Variants in DYNC2H1 observed in about 807,000 individuals in gnomAD.
The protein encoded by DYNC2H1 is cytoplasmic dynein 2 heavy chain 1.
DYNC2H1 carries 410 observed loss-of-function variants against 570.0 expected under a neutral mutation model. The observed-to-expected ratio is 0.72, with a 90% CI of 0.66 to 0.78. The LOEUF (loss-of-function observed/expected upper bound fraction) is 0.78, where lower values mean the gene tolerates loss of function less well. Ranked by LOEUF, DYNC2H1 falls within the 30% of genes least tolerant of loss-of-function variation. The probability of loss-of-function intolerance (pLI) is 0.00; values close to 1 mark genes in which losing one functional copy is unlikely to be tolerated. For missense variants in DYNC2H1, 4,865 were observed against 5,046.4 expected, an observed-to-expected ratio of 0.96 and a Z score of 1.09; for synonymous variants, 1,688 against 1,677.6, an observed-to-expected ratio of 1.01 and a Z score of -0.15.
At position 103,286,340 on chromosome 11, in the gene DYNC2H1, AAG is replaced by A. The variant is rs1565463819; in HGVS notation, c.10979_10980del (p.Glu3660ValfsTer36). The A allele has an allele frequency of 6.2e-7, 1 of 1,613,742 alleles. No individual in the cohort carries two copies. The highest frequency in any genetic ancestry group is 1.7e-5 in the Admixed American group (1 of 60,004). On this transcript the variant is annotated frameshift_variant, in exon 74 of 89. Transcript: ENST00000375735. LOFTEE classifies it high-confidence loss of function. ...TATTATAATAATTCAATGTGTGAGC[AAG>A]AGTTTCCATCTATCCTTGCAAAGAA...
At chr11:103,154,149 G>A (rs920837052) in intron 22 of DYNC2H1, among the ~76,000 whole-genome samples, 1 of 151,648 alleles carries the variant, frequency 6.6e-6, no homozygotes, top group African/African-American at 2.4e-5. Context: ...TATATAATAT[G>A]TATTACGTAC....
chr11:103,211,753 TATA>T (rs1565399419), intron 53 of DYNC2H1, 33 bp from the exon 54 acceptor site: 3 of 878,578 alleles, frequency 3.4e-6, no homozygotes, highest in Non-Finnish European at 3.4e-6. Flanking sequence ...GAATCATACA[TATA>T]ATAAGTTATT....
chr11:103,479,197 G>A lies in DYNC2H1; in HGVS notation c.12868G>A (p.Gly4290Ser), dbSNP rs1344210392. Residue 4290 changes from glycine (G) to serine (S), a missense_variant, in exon 89 of 89, where the codon GGC becomes AGC. Physicochemically the swap from Gly to Ser is moderately conservative, Grantham distance 56 (BLOSUM62 0). This residue lies in a region of DYNC2H1 where 2,401 missense variants were observed against 2,454.6 expected (regional missense o/e 0.98). Transcript: ENST00000375735. ...TACCAATATTGATGTTCCATGTGGG[G>A]GCAACCAAGACCAGTGGATTCAGTG... ...VVTNIDVPCG[G>S]NQDQWIQCGA... 4.3e-6 allele frequency: 7 copies of A among 1,613,780 alleles called. No individual in the cohort carries two copies. Among genetic ancestry groups the A allele is most frequent in the Non-Finnish European group, 5.9e-6 (7 of 1,179,804 alleles).
At chr11:103,293,446 T>C (rs1866693709) in intron 75 of DYNC2H1, among the ~76,000 whole-genome samples, 1 of 152,226 alleles carries the variant, frequency 6.6e-6, no homozygotes, top group Admixed American at 6.5e-5. Context: ...TGTACCTGGA[T>C]ATTCTTATCT....
rs1231818879 is a variant in DYNC2H1 at position 103,459,288 on chromosome 11, G to A, written c.12648+2932G>A. Among the ~76,000 whole-genome samples the A allele has an allele frequency of 3.5e-4, 41 of 117,696 alleles. 1 individual carries two copies. In the Middle Eastern group the frequency reaches 0.039, roughly 112 times the overall value. The allele number at this position is 117,696 out of a possible 152,430, so 77.2% of individuals were successfully genotyped here. On this transcript the variant is annotated intron_variant, in intron 87 of 88. Coordinates refer to ENST00000375735, the MANE Select transcript of DYNC2H1 (RefSeq NM_001377.3). ...CCCGCCACTGCACTCCAGCCTGGGC[G>A]ACAGAGCGAGACTCCGTCTCAAAAA...
Position 103,120,589 on chromosome 11 carries a change from A to G in DYNC2H1, c.1134+8A>G, listed in dbSNP as rs138290301. On this transcript the variant is annotated splice_region_variant and intron_variant, in intron 7 of 88. Transcript: ENST00000375735. Reference sequence around the variant, plus strand: ...TATAATCCATATACTGAGGTTGTATATATATTTGTTTATGTCTGTACAGTT... The same window carrying G: ...TATAATCCATATACTGAGGTTGTATGTATATTTGTTTATGTCTGTACAGTT... 1.5e-4 allele frequency: 239 copies of G among 1,608,550 alleles called. No individual in the cohort carries two copies. The African/African-American group carries it at 2.9e-3, about 20-fold the overall frequency.
chr11:103,391,950 C>T (rs987076884), intron 83 of DYNC2H1, among the ~76,000 whole-genome samples: 1 of 152,178 alleles, frequency 6.6e-6, no homozygotes, highest in Non-Finnish European at 1.5e-5. Context: ...GGTCAGGGAC[C>T]CACTTGAGGA....
Position 103,325,781 on chromosome 11 carries a change from A to C in DYNC2H1, c.12039+1791A>C, listed in dbSNP as rs1412335776. On this transcript the variant is annotated intron_variant, in intron 82 of 88. Coordinates refer to ENST00000375735, the MANE Select transcript of DYNC2H1 (RefSeq NM_001377.3). This position sits in a 1 kb window ranked among gnomAD's most constrained non-coding sequence, Gnocchi z 4.8. ...TGGATCGGATTTCAACTTTCTCCTG[A>C]ATTTTGTTGAGCTTTTTTGCCACAT... is the stretch of plus-strand genomic sequence containing the variant. 6.6e-6 allele frequency among the ~76,000 whole-genome samples: 1 copy of C among 151,938 alleles called. No individual in the cohort carries two copies. Among genetic ancestry groups the C allele is most frequent in the Non-Finnish European group, 1.5e-5 (1 of 68,002 alleles).
intron 18 of DYNC2H1, 52 bp downstream of exon 18, chr11:103,143,447 A>G: frequency 1.3e-6 from 2 of 1,508,756 alleles, no homozygotes; most frequent in Non-Finnish European, 8.8e-7. Context: ...TTTGACATGG[A>G]CAGTAAGGGA....
chr11:103,314,144 C>T lies in DYNC2H1; in HGVS notation c.11649+2111C>T, dbSNP rs549653609. Among the ~76,000 whole-genome samples the T allele has an allele frequency of 5.7e-4, 87 of 152,152 alleles. 1 individual carries two copies. Among genetic ancestry groups the T allele is most frequent in the Non-Finnish European group, 1.2e-3 (81 of 67,964 alleles). The stretch of plus-strand genomic sequence containing the variant: ...ATGGTTTGTAATGAAAAGTTAGGTT[C>T]CTCCCTACTTACTTCCCTGCCACCC... On this transcript the variant is annotated intron_variant, in intron 79 of 88. Transcript: ENST00000375735.
At chr11:103,270,036 T>C (rs1865641577) in intron 70 of DYNC2H1, among the ~76,000 whole-genome samples, 1 of 151,472 alleles carries the variant, frequency 6.6e-6, no homozygotes, top group South Asian at 2.1e-4. Flanking sequence ...CTACTGAAAA[T>C]ACAAAAATTA....
Position 103,134,362 on chromosome 11 carries a change from G to A in DYNC2H1, c.2148G>A (p.Gln716=). The change falls in exon 15 of 89, where the codon CAG becomes CAA. Residue 716 remains glutamine (Q), a synonymous_variant. Transcript: ENST00000375735. ...LMNIDLLRQQ[Q]RWKDGLQELR... is the part of the protein sequence containing the mutation. ...ATATTGATCTGCTTCGGCAGCAACAGCGCTGGAAAGATGGATTACAAGAAT... is the reference window on the plus strand; with the variant it reads ...ATATTGATCTGCTTCGGCAGCAACAACGCTGGAAAGATGGATTACAAGAAT... 9.3e-6 allele frequency: 15 copies of A among 1,612,458 alleles called. No homozygotes were observed. The highest frequency in any genetic ancestry group is 1.3e-5 in the Non-Finnish European group (15 of 1,178,934).
rs118114307 is a variant in DYNC2H1, at chr11:103,298,197, G to A, written c.11096-4896G>A. Among the ~76,000 whole-genome samples, 125 of 151,784 alleles carry A rather than the reference G, an allele frequency of 8.2e-4. 2 individuals carry two copies. The highest frequency in any genetic ancestry group is 1.2e-3 in the Admixed American group (19 of 15,260). ...GACCCTTGCTCAGTTCTTTACCAAC[G>A]TAATAGTCTTTTTCTTGTTTTTTTT... On this transcript the variant is annotated intron_variant, in intron 75 of 88. Transcript: ENST00000375735.
At position 103,286,370 on chromosome 11, in the gene DYNC2H1, T is replaced by C. The variant is rs1866353135; in HGVS notation, c.11006T>C (p.Val3669Ala). The change falls in exon 74 of 89, where the codon GTT (valine) becomes GCT (alanine). Residue 3669 changes from valine to alanine, a missense_variant. Transcript: ENST00000375735. ...TTTCCATCTATCCTTGCAAAGAAAGTTTCCTTATTTCAGCAGGTAAAATTT... is the reference window on the plus strand; with the variant it reads ...TTTCCATCTATCCTTGCAAAGAAAGCTTCCTTATTTCAGCAGGTAAAATTT... The part of the protein sequence containing the change: ...QEFPSILAKK[V>A]SLFQQILVVQ... The C allele has an allele frequency of 6.2e-7, 1 of 1,611,180 alleles. No homozygotes were observed. The highest frequency in any genetic ancestry group is 8.5e-7 in the Non-Finnish European group (1 of 1,179,258).
intron 78 of DYNC2H1, among the ~76,000 whole-genome samples, chr11:103,309,178 T>TTTTTTTTTTTTTTTGTTTTTTTTTTTTTG (rs1867450109): frequency 8.8e-6 from 1 of 113,214 alleles, no homozygotes. Flanking sequence ...ATTTTTTTTT[T>TTTTTTTTTTTTTTTGTTTTTTTTTTTTTG]TTTTTTTTTT....
Position 103,280,570 on chromosome 11 carries a change from G to A in DYNC2H1, c.10761+157G>A, listed in dbSNP as rs953218244. Among the ~76,000 whole-genome samples, 1 of 152,146 alleles carries A rather than the reference G, an allele frequency of 6.6e-6. No homozygotes were observed. Among genetic ancestry groups the A allele is most frequent in the Admixed American group, 6.5e-5 (1 of 15,270 alleles). ...ATGTAGTATAAAATGGTGATTCCTA[G>A]TTCTACTTCCCTGTGGATGAGCCTA... On this transcript the variant is annotated intron_variant, in intron 71 of 88. Coordinates refer to ENST00000375735, the MANE Select transcript of DYNC2H1 (RefSeq NM_001377.3). This position sits in a 1 kb window ranked among gnomAD's most constrained non-coding sequence, Gnocchi z 4.7.
rs1035921568 is a variant in DYNC2H1, at chr11:103,109,471, C to A, written c.-104C>A. ...CCGCGAAGCTCTGCGGTCCCGCGGTCGGGCTACGGGTTTGAGCAAAGCTCC... is the reference window on the plus strand; with the variant it reads ...CCGCGAAGCTCTGCGGTCCCGCGGTAGGGCTACGGGTTTGAGCAAAGCTCC... On this transcript the variant is annotated 5_prime_UTR_variant, in exon 1 of 89. Transcript: ENST00000375735. 3.5e-6 allele frequency: 4 copies of A among 1,132,326 alleles called. No individual in the cohort carries two copies. The highest frequency in any genetic ancestry group is 2.7e-5 in the Admixed American group (1 of 36,956). 70.1% of individuals were successfully genotyped at this position (1,132,326 alleles called of 1,614,324 possible).
At chr11:103,156,822 A>G (rs1860855507) in intron 26 of DYNC2H1, 52 bp downstream of exon 26, 1 of 1,567,498 alleles carries the variant, frequency 6.4e-7, no homozygotes, top group South Asian at 1.2e-5. Context: ...TTTTAAATTA[A>G]TTCATATTGT....
intron 83 of DYNC2H1, among the ~76,000 whole-genome samples, chr11:103,386,962 C>T (rs1268625107): frequency 3.3e-5 from 5 of 151,618 alleles, no homozygotes; most frequent in South Asian, 4.2e-4. Context: ...AATAAACATA[C>T]GTGTGCATGT....
Sources: allele counts gnomAD v4.1 joint callset (sites outside exome capture counted in the v4.1 genomes callset), GRCh38; gene constraint gnomAD v4.1.1; regional missense constraint gnomAD v4.1.1; non-coding constraint Gnocchi (gnomAD v3.1); transcripts MANE v1.5; gene names NCBI Gene and HGNC (gene_info 2026-07-23, HGNC 2026-07-21).